The following YTHDF1 variants were observed in gnomAD, a reference collection of about 807,000 sequenced individuals.
YTHDF1 encodes YTH domain-containing family protein 1.
Under a neutral mutation model 49.1 loss-of-function variants are expected in YTHDF1, and 16 were observed. The ratio of observed to expected loss-of-function variants is 0.33; its 90% CI spans 0.22 to 0.49. The LOEUF is 0.49. Among genes scored for constraint, YTHDF1 ranks in the 20% least tolerant of loss-of-function variants. YTHDF1 has a pLI of 0.99. For synonymous variants in YTHDF1, 313 were observed against 290.1 expected, an observed-to-expected ratio of 1.08 and a Z score of -0.80; for missense variants, 621 against 744.3, an observed-to-expected ratio of 0.83 and a Z score of 1.93.
In YTHDF1 at chr20:63,215,841, G is replaced by T. The variant is rs1439074673; in HGVS notation, c.27+25C>A. 8.2e-6 allele frequency: 12 copies of T among 1,457,134 alleles called. No individual in the cohort carries two copies. The African/African-American group carries it at 1.8e-4, about 22-fold the overall frequency. 90.3% of individuals were successfully genotyped at this position (1,457,134 alleles called of 1,614,324 possible). A position where few individuals can be genotyped will look rare whatever the true frequency, so the allele number is the denominator to read the frequency against. On this transcript the variant is annotated intron_variant, in intron 1 of 4. Coordinates refer to ENST00000370339, the MANE Select transcript of YTHDF1 (RefSeq NM_017798.4). ...GACCCCGCGCCTCGGCCCCGGCCGC[G>T]GCCCCTGTAACCCGGCCCCGCTACC...
chr20:63,208,801 G>A (rs898113407), intron 3 of YTHDF1, among the ~76,000 whole-genome samples: 3 of 152,216 alleles, frequency 2.0e-5, no homozygotes, highest in Non-Finnish European at 4.4e-5. Context: ...AGGCACAGCA[G>A]GAAGCCCTGT....
intron 1 of YTHDF1, 121 bp from the exon 2 acceptor site, chr20:63,215,722 G>A (rs889795672): frequency 1.4e-6 from 2 of 1,398,568 alleles, no homozygotes; most frequent in African/African-American, 3.1e-5. Context: ...CCGACGCGCG[G>A]TCACGTGCGA....
intron 4 of YTHDF1, among the ~76,000 whole-genome samples, chr20:63,197,215 T>C (rs2066496220): frequency 6.6e-6 from 1 of 152,206 alleles, no homozygotes. Context: ...TCCTTCCAAC[T>C]GGCTAACAAG....
intron 4 of YTHDF1, 91 bp downstream of exon 4, chr20:63,202,196 C>T: frequency 1.3e-6 from 2 of 1,491,588 alleles, no homozygotes; most frequent in Admixed American, 2.1e-5. Flanking sequence ...CTCGGCGGAC[C>T]TGCCGCATCT....
At chr20:63,210,049 T>C (rs2122988775) in intron 3 of YTHDF1, among the ~76,000 whole-genome samples, 1 of 152,328 alleles carries the variant, frequency 6.6e-6, no homozygotes, top group South Asian at 2.1e-4. Context: ...TGTAGGTGTA[T>C]ACTCTGGTAT....
Position 63,196,661 on chromosome 20 carries a change from C to T in YTHDF1, c.*47G>A. ...GCTGACCAAGCACACGTGTTTTAAA[C>T]TGTTTTCAAAGTCAAACGTTAGAAC... On this transcript the variant is annotated 3_prime_UTR_variant, in exon 5 of 5. Transcript: ENST00000370339. 1 of 1,612,330 alleles carries T rather than the reference C, an allele frequency of 6.2e-7. No individual in the cohort carries two copies. The highest frequency in any genetic ancestry group is 8.5e-7 in the Non-Finnish European group (1 of 1,178,806).
In YTHDF1 at chr20:63,203,328, G is replaced by A. The variant is rs1425998982; in HGVS notation, c.612C>T (p.Gly204=). 3.7e-6 allele frequency: 6 copies of A among 1,613,312 alleles called. No individual in the cohort carries two copies. The highest frequency in any genetic ancestry group is 5.1e-6 in the Non-Finnish European group (6 of 1,179,936). ...DVSSSAVKTV[G]SVVSSVALTG... Reference sequence around the variant, plus strand: ...TCAGTGCCACGCTGCTGACGACAGAGCCCACCGTCTTGACGGCGGAGGAGC... The same window carrying A: ...TCAGTGCCACGCTGCTGACGACAGAACCCACCGTCTTGACGGCGGAGGAGC... The change falls in exon 4 of 5, where the codon GGC becomes GGT. Residue 204 remains glycine (G), a synonymous_variant. Coordinates refer to ENST00000370339, the MANE Select transcript of YTHDF1 (RefSeq NM_017798.4). This position sits in a 1 kb window ranked among gnomAD's most constrained non-coding sequence, Gnocchi z 4.4.
chr20:63,215,816 G>T, intron 1 of YTHDF1, 50 bp downstream of exon 1: 1 of 1,452,808 alleles, frequency 6.9e-7, no homozygotes, highest in South Asian at 1.3e-5. Context: ...CCTCAACCCA[G>T]ACCCCGCGCC....
chr20:63,205,114 G>A (rs879771973), intron 3 of YTHDF1, among the ~76,000 whole-genome samples: 16 of 152,130 alleles, frequency 1.1e-4, no homozygotes, highest in Non-Finnish European at 2.2e-4. Flanking sequence ...CAAGTAACCA[G>A]AAGGTTCTAC....
At chr20:63,215,765 C>T (rs1362366505) in intron 1 of YTHDF1, 101 bp downstream of exon 1, 38 of 1,382,842 alleles carry the variant, frequency 2.7e-5, no homozygotes, top group South Asian at 4.7e-5. Context: ...CCGCCTGGGC[C>T]CGGCCTCCGC....
chr20:63,197,667 C>T (rs997376197), intron 4 of YTHDF1, among the ~76,000 whole-genome samples: 1 of 152,080 alleles, frequency 6.6e-6, no homozygotes, highest in African/African-American at 2.4e-5. Context: ...TCGCTTGAGC[C>T]CATGAGTTTT....
At chr20:63,202,237 G>A (rs765962166) in intron 4 of YTHDF1, 50 bp downstream of exon 4, 23 of 1,567,594 alleles carry the variant, frequency 1.5e-5, no homozygotes, top group East Asian at 1.1e-4. Flanking sequence ...GTCTAAGTAC[G>A]GCACCAAGGA....
Position 63,202,291 on chromosome 20 carries a change from C to T in YTHDF1, c.1649G>A (p.Arg550His), listed in dbSNP as rs2066521102. 3 of 1,611,078 alleles carry T rather than the reference C, an allele frequency of 1.9e-6. No individual in the cohort carries two copies. The highest frequency in any genetic ancestry group is 2.2e-5 in the East Asian group (1 of 44,860). ...GCCTGCAACACCCAGCCTCACCTTGCGCACCACCTCCTCCTCCTCCTGGCG... is the reference window on the plus strand; with the variant it reads ...GCCTGCAACACCCAGCCTCACCTTGTGCACCACCTCCTCCTCCTCCTGGCG... ...EKRQEEEEVVRKERQSRNKQ is the reference protein window; with the variant it reads ...EKRQEEEEVVHKERQSRNKQ Residue 550 changes from arginine (R) to histidine (H), a missense_variant, in exon 4 of 5, where the codon CGC becomes CAC. Arg to His is a conservative substitution (Grantham distance 29). Coordinates refer to ENST00000370339, the MANE Select transcript of YTHDF1 (RefSeq NM_017798.4).
intron 2 of YTHDF1, 23 bp downstream of exon 2, chr20:63,215,554 G>T (rs765036826): frequency 2.0e-5 from 33 of 1,613,356 alleles, no homozygotes; most frequent in East Asian, 1.8e-4. Context: ...AGCCCGCGCC[G>T]GCCGTCCCGG....
In YTHDF1 at chr20:63,196,600, G is replaced by A; in HGVS notation, c.*108C>T. On this transcript the variant is annotated 3_prime_UTR_variant, in exon 5 of 5. Coordinates refer to ENST00000370339, the MANE Select transcript of YTHDF1 (RefSeq NM_017798.4). ...AATCAACGACAAGAAAGGCAAAGAT[G>A]CAACACTCAACCCCCGCACGGGACG... The A allele has an allele frequency of 7.7e-7, 1 of 1,300,624 alleles. No individual in the cohort carries two copies. Among genetic ancestry groups the A allele is most frequent in the Middle Eastern group, 2.0e-4 (1 of 4,946 alleles). 80.6% of individuals were successfully genotyped at this position (1,300,624 alleles called of 1,614,324 possible). A position where few individuals can be genotyped will look rare whatever the true frequency, so the allele number is the denominator to read the frequency against.
At chr20:63,215,554 G>C (rs765036826) in intron 2 of YTHDF1, 23 bp downstream of exon 2, 1 of 1,613,476 alleles carries the variant, frequency 6.2e-7, no homozygotes, top group Non-Finnish European at 8.5e-7. Flanking sequence ...AGCCCGCGCC[G>C]GCCGTCCCGG....
intron 4 of YTHDF1, among the ~76,000 whole-genome samples, chr20:63,198,998 T>C (rs1224020723): frequency 1.3e-5 from 2 of 152,212 alleles, no homozygotes; most frequent in African/African-American, 4.8e-5. Flanking sequence ...AATCAGTATG[T>C]TTCTAAATTT....
chr20:63,215,742 C>A (rs547245953), intron 1 of YTHDF1, 124 bp downstream of exon 1: 24 of 1,378,250 alleles, frequency 1.7e-5, no homozygotes, highest in Non-Finnish European at 2.2e-5. Flanking sequence ...ACCCCGGCCC[C>A]GAGACCCCGG....
chr20:63,204,934 G>A (rs914796178), intron 3 of YTHDF1, among the ~76,000 whole-genome samples: 3 of 152,002 alleles, frequency 2.0e-5, no homozygotes, highest in South Asian at 2.1e-4. Flanking sequence ...TACACAGGCC[G>A]GTGAGACGGG....
Sources: gnomAD v4.1 joint callset for allele counts (sites outside exome capture counted in the v4.1 genomes callset) on GRCh38, gnomAD v4.1.1 for gene constraint, Gnocchi (gnomAD v3.1) non-coding constraint, MANE v1.5 for transcripts, NCBI Gene and HGNC (gene_info 2026-07-23, HGNC 2026-07-21) for gene names.